Variants in CECR2 observed in about 807,000 individuals in gnomAD.
CECR2 encodes the protein CECR2 histone acetyl-lysine reader.
A neutral mutation model predicts 154.5 loss-of-function variants in CECR2; 30 were observed. The ratio of observed to expected loss-of-function variants is 0.19; its 90% CI spans 0.15 to 0.26. The LOEUF (loss-of-function observed/expected upper bound fraction) is 0.26. Ranked by LOEUF, CECR2 falls within the 10% of genes least tolerant of loss-of-function variation. The pLI is 1.00. For missense variants in CECR2, 1,743 were observed against 1,829.3 expected (o/e 0.95, Z 0.86); for synonymous variants, 725 against 683.7 (o/e 1.06, Z -0.94).
chr22:17,535,914 A>T (rs2056430692), intron 9 of CECR2, among the ~76,000 whole-genome samples: 1 of 152,168 alleles, frequency 6.6e-6, no homozygotes, highest in Non-Finnish European at 1.5e-5. Context: ...TCAGGCAAAG[A>T]TCCTATCCCT....
In CECR2 at chr22:17,531,362, G is replaced by C. The variant is rs111478349; in HGVS notation, c.1109-5741G>C. Among the ~76,000 whole-genome samples, 628 of 152,350 alleles carry C rather than the reference G, an allele frequency of 4.1e-3. 5 individuals are homozygous for C. Among genetic ancestry groups the C allele is most frequent in the Non-Finnish European group, 7.6e-3 (514 of 68,036 alleles). ...TGCAGGACCATCCATCCTAGGATGA[G>C]TTGAACGGCATCAGCAAGCAAATGG... On this transcript the variant is annotated intron_variant, in intron 9 of 18. Transcript: ENST00000262608.
intron 1 of CECR2, among the ~76,000 whole-genome samples, chr22:17,462,258 G>A (rs964062175): frequency 2.0e-5 from 3 of 151,858 alleles, no homozygotes; most frequent in African/African-American, 7.2e-5. Context: ...CAGAAAATTA[G>A]CTGGGCATGG....
intron 1 of CECR2, among the ~76,000 whole-genome samples, chr22:17,455,922 C>G (rs1404562996): frequency 6.6e-6 from 1 of 152,166 alleles, no homozygotes; most frequent in Non-Finnish European, 1.5e-5. Context: ...CTCACACTTT[C>G]TGTGGCTCAG....
At position 17,549,089 on chromosome 22, in the gene CECR2, A is replaced by G. The variant is rs556155269; in HGVS notation, c.3802A>G (p.Lys1268Glu). 5.0e-6 allele frequency: 8 copies of G among 1,614,036 alleles called. No homozygotes were observed. The African/African-American group carries it at 8.0e-5, about 16-fold the overall frequency. Residue 1268 changes from lysine to glutamate, a missense_variant, in exon 17 of 19, where the codon AAA becomes GAA. Lys to Glu is a moderately conservative substitution (Grantham distance 56). Transcript: ENST00000262608. Reference sequence around the variant, plus strand: ...AACCCGTATGGATGCAGTGGCTGCTAAAGTCCCAAATGACGGGCAGAATCC... The same window carrying G: ...AACCCGTATGGATGCAGTGGCTGCTGAAGTCCCAAATGACGGGCAGAATCC... The part of the protein sequence containing the change: ...SPTRMDAVAA[K>E]VPNDGQNPGP...
chr22:17,540,080 G>T (rs1344256490), intron 13 of CECR2, among the ~76,000 whole-genome samples: 2 of 152,110 alleles, frequency 1.3e-5, no homozygotes, highest in Admixed American at 1.3e-4. Context: ...TGATCCTCCT[G>T]CCTTGGCCTC....
chr22:17,375,001 G>A (rs1335477700), intron 1 of CECR2, among the ~76,000 whole-genome samples: 2 of 152,086 alleles, frequency 1.3e-5, no homozygotes, highest in Non-Finnish European at 2.9e-5. Context: ...ATTCCACAGT[G>A]CACCTCTAGA....
chr22:17,405,987 G>A (rs2146549995), intron 1 of CECR2, among the ~76,000 whole-genome samples: 2 of 152,250 alleles, frequency 1.3e-5, no homozygotes, highest in Admixed American at 1.3e-4. Context: ...TCTTCCTGCA[G>A]CCATGGGTTA....
intron 1 of CECR2, among the ~76,000 whole-genome samples, chr22:17,392,158 A>G (rs1334512968): frequency 2.0e-5 from 3 of 152,328 alleles, no homozygotes; most frequent in South Asian, 4.1e-4. Flanking sequence ...TTGGTAGCTC[A>G]TGCCTGTAAT....
chr22:17,502,809 A>G (rs1476500650), intron 5 of CECR2, among the ~76,000 whole-genome samples: 1 of 152,106 alleles, frequency 6.6e-6, no homozygotes. Context: ...TCTCAAAAAA[A>G]TAAAAATAAA....
rs533197051 is a variant in CECR2, at chr22:17,391,609, A to G, written c.126+21700A>G. Among the ~76,000 whole-genome samples, 64 of 152,338 alleles carry G rather than the reference A, an allele frequency of 4.2e-4. 1 individual carries two copies. The highest frequency in any genetic ancestry group is 1.4e-3 in the African/African-American group (60 of 41,588). Reference sequence around the variant, plus strand: ...AAATAGATCTCAGCAACTGGTAATTATTGTTACATTTTCTTTCATTTTAGA... The same window carrying G: ...AAATAGATCTCAGCAACTGGTAATTGTTGTTACATTTTCTTTCATTTTAGA... On this transcript the variant is annotated intron_variant, in intron 1 of 18. Transcript: ENST00000262608.
intron 1 of CECR2, among the ~76,000 whole-genome samples, chr22:17,413,663 G>GATTATTATTATTATTATTATTATT (rs111990077): frequency 6.6e-6 from 1 of 150,642 alleles, no homozygotes; most frequent in African/African-American, 2.5e-5. Flanking sequence ...TTGGAAGGAG[G>GATTATTATTATTATTATTATTATT]ATTATTATTA....
intron 1 of CECR2, among the ~76,000 whole-genome samples, chr22:17,473,800 A>T (rs76447561): frequency 0.021 from 3,165 of 152,292 alleles, 43 homozygotes; most frequent in African/African-American, 0.045. Flanking sequence ...GATATCCAAA[A>T]CTGTTTCGTC....
intron 1 of CECR2, among the ~76,000 whole-genome samples, chr22:17,411,076 T>G (rs1211728555): frequency 6.6e-6 from 1 of 152,236 alleles, no homozygotes; most frequent in African/African-American, 2.4e-5. Flanking sequence ...TTACGAGTTC[T>G]GTTTTATCAG....
chr22:17,546,200 C>T (rs2056610963), intron 16 of CECR2, among the ~76,000 whole-genome samples: 1 of 152,074 alleles, frequency 6.6e-6, no homozygotes, highest in South Asian at 2.1e-4. Context: ...TACAAGAATC[C>T]TGTTTAGGCC....
Position 17,511,756 on chromosome 22 carries a change from G to A in CECR2, c.871-57G>A. ...GGCGGCAGCAGCAGCAGCAGCATCAGTAGTTGAGAACACCCTAATCTATCT... is the reference window on the plus strand; with the variant it reads ...GGCGGCAGCAGCAGCAGCAGCATCAATAGTTGAGAACACCCTAATCTATCT... On this transcript the variant is annotated intron_variant, in intron 7 of 18. Transcript: ENST00000262608. The A allele has an allele frequency of 3.5e-6, 5 of 1,439,538 alleles. No homozygotes were observed. In the South Asian group the frequency reaches 4.8e-5, roughly 14 times the overall value. The allele number at this position is 1,439,538 out of a possible 1,614,324, so 89.2% of individuals were successfully genotyped here.
At chr22:17,520,609 G>A (rs551326251) in intron 8 of CECR2, among the ~76,000 whole-genome samples, 1 of 151,804 alleles carries the variant, frequency 6.6e-6, no homozygotes, top group Non-Finnish European at 1.5e-5. Flanking sequence ...GGTGTGTGAT[G>A]TTCCCCGCCC....
chr22:17,539,671 T>A (rs904341724), intron 13 of CECR2, among the ~76,000 whole-genome samples: 3 of 151,840 alleles, frequency 2.0e-5, no homozygotes, highest in Admixed American at 6.6e-5. Flanking sequence ...ATAATAAAAA[T>A]ATATATCTAT....
intron 1 of CECR2, among the ~76,000 whole-genome samples, chr22:17,364,342 C>CAAAAAAAAAA (rs59134897): frequency 0.018 from 966 of 52,786 alleles, 102 homozygotes; most frequent in Admixed American, 0.04. Flanking sequence ...GACTCTGTCT[C>CAAAAAAAAAA]AAAAAAAAAA....
At chr22:17,466,598 C>CCTTTTTTTTTTTTTTTT in intron 1 of CECR2, among the ~76,000 whole-genome samples, 1 of 140,220 alleles carries the variant, frequency 7.1e-6, no homozygotes, top group African/African-American at 2.6e-5. Flanking sequence ...AAAACCTTGC[C>CCTTTTTTTTTTTTTTTT]TTTTTTTTTT....
Sources: allele counts gnomAD v4.1 joint callset (sites outside exome capture counted in the v4.1 genomes callset), GRCh38; gene constraint gnomAD v4.1.1; transcripts MANE v1.5; gene names NCBI Gene and HGNC (gene_info 2026-07-23, HGNC 2026-07-21).